Variants in PUM1 observed in about 807,000 individuals in gnomAD.
PUM1 encodes pumilio homolog 1.
In PUM1, 13 loss-of-function variants were observed where a neutral mutation model predicts 131.8. The ratio of observed to expected loss-of-function variants is 0.10; its 90% CI spans 0.06 to 0.16. The LOEUF is 0.16. Ranked by LOEUF, PUM1 falls within the 10% of genes least tolerant of loss-of-function variation. The probability of loss-of-function intolerance (pLI) is 1.00; values close to 1 mark genes in which losing one functional copy is unlikely to be tolerated. For synonymous variants in PUM1, 509 were observed against 556.5 expected (o/e 0.91, Z 1.20); for missense variants, 961 against 1,512.4 (o/e 0.64, Z 6.05).
chr1:30,934,463 G>C (rs2124372794), intron 21 of PUM1, among the ~76,000 whole-genome samples: 1 of 152,246 alleles, frequency 6.6e-6, no homozygotes, highest in South Asian at 2.1e-4. Flanking sequence ...AGGAAGGGTT[G>C]ATCCGGTCTA....
At chr1:31,009,782 A>AAAAAAAAAC (rs375044466) in intron 3 of PUM1, among the ~76,000 whole-genome samples, 45,765 of 125,506 alleles carry the variant, frequency 0.36, 8,435 homozygotes, top group Admixed American at 0.44. Context: ...AAAAAAAAAA[A>AAAAAAAAAC]AAAAACAAAA....
chr1:31,060,753 G>A (rs1404994835), intron 1 of PUM1, among the ~76,000 whole-genome samples: 3 of 151,714 alleles, frequency 2.0e-5, no homozygotes, highest in Admixed American at 6.6e-5. Context: ...GGGTGTGGTG[G>A]TACACACTTT....
chr1:30,992,375 A>T lies in PUM1; in HGVS notation c.1158+15T>A. 1 of 1,609,096 alleles carries T rather than the reference A, an allele frequency of 6.2e-7. No individual in the cohort carries two copies. Among genetic ancestry groups the T allele is most frequent in the Admixed American group, 1.7e-5 (1 of 59,802 alleles). ...GGAGGGAGAGTAGAGAGGGTGACAGAGACACACACAGTACCTGTTGTTGAG... is the reference window on the plus strand; with the variant it reads ...GGAGGGAGAGTAGAGAGGGTGACAGTGACACACACAGTACCTGTTGTTGAG... On this transcript the variant is annotated intron_variant, in intron 7 of 21. Transcript: ENST00000426105.
Position 31,059,097 on chromosome 1 carries a change from T to G in PUM1, c.363+107A>C. On this transcript the variant is annotated intron_variant, in intron 2 of 21. Coordinates refer to ENST00000426105, the MANE Select transcript of PUM1 (RefSeq NM_001020658.2). ...ATAACAAGTAACTGTTTGTACCAAA[T>G]GAAATCAGCAATTTAAGTTTTTAAA... 1.1e-5 allele frequency: 14 copies of G among 1,289,654 alleles called. No individual in the cohort carries two copies. The South Asian group carries it at 1.9e-4, about 17-fold the overall frequency. 79.9% of individuals were successfully genotyped at this position (1,289,654 alleles called of 1,614,324 possible).
At chr1:31,006,958 G>T in intron 4 of PUM1, 36 bp downstream of exon 4, 1 of 1,502,938 alleles carries the variant, frequency 6.7e-7, no homozygotes, top group Non-Finnish European at 9.2e-7. Context: ...TCTAAGACAG[G>T]CATAAATCAC....
At chr1:30,990,656 T>C (rs1271632789) in intron 7 of PUM1, among the ~76,000 whole-genome samples, 2 of 151,460 alleles carry the variant, frequency 1.3e-5, no homozygotes, top group African/African-American at 4.9e-5. Flanking sequence ...AGGTATGCTA[T>C]TAGGGCCCCC....
chr1:31,060,124 A>G (rs1644335479), intron 1 of PUM1, among the ~76,000 whole-genome samples: 1 of 148,824 alleles, frequency 6.7e-6, no homozygotes, highest in African/African-American at 2.5e-5. Context: ...CTGGGATTAC[A>G]GGCGTGAGCC....
intron 20 of PUM1, among the ~76,000 whole-genome samples, chr1:30,938,956 TAGAC>T (rs1478966237): frequency 7.9e-5 from 12 of 151,462 alleles, no homozygotes; most frequent in South Asian, 2.1e-4. Flanking sequence ...GATAGACAGA[TAGAC>T]AGATACATAC....
intron 2 of PUM1, among the ~76,000 whole-genome samples, chr1:31,043,928 C>T (rs546685617): frequency 3.4e-4 from 51 of 152,104 alleles, no homozygotes; most frequent in African/African-American, 1.1e-3. Flanking sequence ...TGTACCTATA[C>T]ATTACAAATT....
At chr1:31,036,364 C>T (rs565080634) in intron 2 of PUM1, among the ~76,000 whole-genome samples, 13 of 152,264 alleles carry the variant, frequency 8.5e-5, no homozygotes, top group South Asian at 4.1e-4. Context: ...CCACCATGCC[C>T]GGCCCAAATT....
intron 14 of PUM1, among the ~76,000 whole-genome samples, chr1:30,964,273 G>A (rs559320518): frequency 6.6e-6 from 1 of 152,216 alleles, no homozygotes; most frequent in South Asian, 2.1e-4. Flanking sequence ...TAGCAGAGGG[G>A]AAATTTTGAA....
At chr1:30,973,618 G>A (rs1379115323) in intron 10 of PUM1, among the ~76,000 whole-genome samples, 1 of 152,142 alleles carries the variant, frequency 6.6e-6, no homozygotes, top group Non-Finnish European at 1.5e-5. Flanking sequence ...AAATAACACA[G>A]TAAAGTATGA....
At chr1:31,038,333 C>T (rs546811027) in intron 2 of PUM1, among the ~76,000 whole-genome samples, 5 of 152,084 alleles carry the variant, frequency 3.3e-5, no homozygotes, top group Non-Finnish European at 5.9e-5. Context: ...CTTTAACCTG[C>T]GATTACTTCT....
chr1:30,970,602 G>A (rs1640837450), intron 10 of PUM1, among the ~76,000 whole-genome samples: 1 of 152,092 alleles, frequency 6.6e-6, no homozygotes. Flanking sequence ...GAAGAGTCGG[G>A]GGGCTGTACA....
intron 3 of PUM1, among the ~76,000 whole-genome samples, chr1:31,022,619 G>GCCCAAT (rs1643070326): frequency 6.6e-6 from 1 of 152,026 alleles, no homozygotes; most frequent in Non-Finnish European, 1.5e-5. Flanking sequence ...TCCTCAAAGT[G>GCCCAAT]CCCAATCCCA....
chr1:30,947,018 C>A (rs1377606947), intron 17 of PUM1, among the ~76,000 whole-genome samples: 1 of 152,158 alleles, frequency 6.6e-6, no homozygotes, highest in African/African-American at 2.4e-5. Context: ...AGAGTTTACC[C>A]CTGGTTAGGC....
At chr1:31,064,198 T>C (rs973345296) in intron 1 of PUM1, among the ~76,000 whole-genome samples, 2 of 152,216 alleles carry the variant, frequency 1.3e-5, no homozygotes, top group African/African-American at 4.8e-5. Flanking sequence ...GTGTTTATTT[T>C]TACCACACTT....
chr1:30,984,321 A>G (rs1039541144), intron 7 of PUM1, among the ~76,000 whole-genome samples: 1 of 152,240 alleles, frequency 6.6e-6, no homozygotes. Context: ...CAGAGTATTC[A>G]AAACAAATTG....
At chr1:31,055,003 CCTT>C (rs888391878) in intron 2 of PUM1, among the ~76,000 whole-genome samples, 1 of 152,144 alleles carries the variant, frequency 6.6e-6, no homozygotes, top group Non-Finnish European at 1.5e-5. Context: ...GTATTTATCT[CCTT>C]CATAGGATTG....
Sources: allele counts gnomAD v4.1 joint callset (sites outside exome capture counted in the v4.1 genomes callset), GRCh38; gene constraint gnomAD v4.1.1; transcripts MANE v1.5; gene names NCBI Gene and HGNC (gene_info 2026-07-23, HGNC 2026-07-21).